Variants in PPP2R2B observed in about 807,000 individuals in gnomAD.
PPP2R2B encodes the protein serine/threonine-protein phosphatase 2A 55 kDa regulatory subunit B beta isoform.
Under a neutral mutation model 46.0 loss-of-function variants are expected in PPP2R2B, and 5 were observed. The observed-to-expected ratio is 0.11, with a 90% confidence interval of 0.06 to 0.23. The LOEUF (loss-of-function observed/expected upper bound fraction) is 0.23. Ranked by LOEUF, PPP2R2B falls within the 10% of genes least tolerant of loss-of-function variation. The pLI, the probability that PPP2R2B is intolerant of heterozygous loss-of-function variation, is 1.00. For synonymous variants in PPP2R2B, 215 were observed against 206.7 expected (o/e 1.04, Z -0.34); for missense variants, 367 against 575.0 (o/e 0.64, Z 3.70).
chr5:146,805,566 GC>G (rs1314803650), intron 2 of PPP2R2B, among the ~76,000 whole-genome samples: 1 of 152,170 alleles, frequency 6.6e-6, no homozygotes, highest in East Asian at 1.9e-4. Flanking sequence ...TCTCACCAAA[GC>G]CCTCTTTATT....
chr5:146,763,358 A>T (rs1159498766), intron 2 of PPP2R2B, among the ~76,000 whole-genome samples: 1 of 152,114 alleles, frequency 6.6e-6, no homozygotes, highest in African/African-American at 2.4e-5. Flanking sequence ...CTGGTTGAGG[A>T]TCTTCCGGTA....
intron 2 of PPP2R2B, among the ~76,000 whole-genome samples, chr5:146,860,273 C>G (rs1016869500): frequency 6.6e-6 from 1 of 152,172 alleles, no homozygotes; most frequent in Admixed American, 6.5e-5. Flanking sequence ...AGCATATTCA[C>G]TCTTTCAAGT....
At chr5:146,680,088 A>G (rs1191421976) in intron 5 of PPP2R2B, among the ~76,000 whole-genome samples, 1 of 151,712 alleles carries the variant, frequency 6.6e-6, no homozygotes, top group Admixed American at 6.6e-5. Context: ...ATAAAGACAC[A>G]TGCACACTTA....
intron 1 of PPP2R2B, among the ~76,000 whole-genome samples, chr5:146,916,973 G>A (rs967448705): frequency 6.6e-6 from 1 of 152,010 alleles, no homozygotes; most frequent in African/African-American, 2.4e-5. Context: ...ATTACCAAAG[G>A]TATTTTTGTG....
chr5:146,781,021 T>C (rs1329121034), intron 2 of PPP2R2B, among the ~76,000 whole-genome samples: 1 of 151,008 alleles, frequency 6.6e-6, no homozygotes, highest in Non-Finnish European at 1.5e-5. Flanking sequence ...ATGATGATGA[T>C]GATATTAGTT....
chr5:146,959,583 A>G (rs1399877277), intron 1 of PPP2R2B, among the ~76,000 whole-genome samples: 1 of 152,130 alleles, frequency 6.6e-6, no homozygotes, highest in Non-Finnish European at 1.5e-5. Flanking sequence ...AACTGCAGGC[A>G]GGGTTGGGGG....
At chr5:146,658,897 T>A (rs979107722) in intron 5 of PPP2R2B, among the ~76,000 whole-genome samples, 4 of 152,222 alleles carry the variant, frequency 2.6e-5, no homozygotes, top group African/African-American at 9.6e-5. Context: ...TTTGTCAGAA[T>A]TATATGTTTA....
chr5:146,874,659 C>A (rs1761795274), intron 2 of PPP2R2B, among the ~76,000 whole-genome samples: 1 of 152,094 alleles, frequency 6.6e-6, no homozygotes, highest in Non-Finnish European at 1.5e-5. Flanking sequence ...CTATCTGTGG[C>A]CCCATTTGAA....
intron 2 of PPP2R2B, among the ~76,000 whole-genome samples, chr5:146,809,217 G>A (rs1343299878): frequency 6.6e-6 from 1 of 152,062 alleles, no homozygotes; most frequent in Non-Finnish European, 1.5e-5. Flanking sequence ...TTTCTGCTTT[G>A]GAAATTAAGG....
intron 2 of PPP2R2B, among the ~76,000 whole-genome samples, chr5:146,838,581 A>G (rs558465498): frequency 1.3e-4 from 20 of 151,908 alleles, no homozygotes; most frequent in African/African-American, 3.9e-4. Flanking sequence ...AAAAAAAAAA[A>G]AAAGAAAAAA....
chr5:146,989,665 G>T (rs571146177), intron 1 of PPP2R2B, among the ~76,000 whole-genome samples: 2 of 152,020 alleles, frequency 1.3e-5, no homozygotes, highest in Non-Finnish European at 2.9e-5. Context: ...AAAGTTGAAA[G>T]GTTTTTCTCT....
At chr5:146,949,210 A>G (rs1764579426) in intron 1 of PPP2R2B, among the ~76,000 whole-genome samples, 1 of 152,078 alleles carries the variant, frequency 6.6e-6, no homozygotes, top group Non-Finnish European at 1.5e-5. Context: ...AAGTGAAGAG[A>G]CAACCAACAT....
intron 5 of PPP2R2B, among the ~76,000 whole-genome samples, chr5:146,669,608 C>T (rs1015191898): frequency 6.6e-5 from 10 of 152,048 alleles, no homozygotes; most frequent in East Asian, 1.9e-4. Context: ...CTTTATGGGG[C>T]GACTTTGGAA....
At chr5:146,675,826 C>T (rs1010952429) in intron 5 of PPP2R2B, among the ~76,000 whole-genome samples, 5 of 151,876 alleles carry the variant, frequency 3.3e-5, no homozygotes, top group Non-Finnish European at 4.4e-5. Context: ...TCACTTCTCT[C>T]TCTCTCTCTC....
chr5:146,959,928 ATTTCCC>A (rs1752094457), intron 1 of PPP2R2B, among the ~76,000 whole-genome samples: 1 of 152,172 alleles, frequency 6.6e-6, no homozygotes, highest in African/African-American at 2.4e-5. Flanking sequence ...GACAGATCAT[ATTTCCC>A]AAGCTAAGCA....
intron 7 of PPP2R2B, among the ~76,000 whole-genome samples, chr5:146,613,845 A>C (rs1217713694): frequency 7.0e-6 from 1 of 142,124 alleles, no homozygotes. Flanking sequence ...TCAAGGAAAT[A>C]AAAGAGGACA....
exon 1 of PPP2R2B, chr5:147,081,304 C>A (rs7716831): frequency 6.5e-7 from 1 of 1,535,124 alleles, no homozygotes; most frequent in South Asian, 1.2e-5. Context: ...CCTGAGAGGA[C>A]GGTCAGTCTG....
Position 146,589,816 on chromosome 5 carries a change from T to C in PPP2R2B, c.*131A>G. On this transcript the variant is annotated 3_prime_UTR_variant, in exon 10 of 10. Coordinates refer to ENST00000394411, the MANE Select transcript of PPP2R2B (RefSeq NM_181675.4). ...GGAGCTGGGAATGTTGGACTCCTTT[T>C]AATTCTATTCCAATCATTTCCTGTA... 3 of 1,026,036 alleles carry C rather than the reference T, an allele frequency of 2.9e-6. No homozygotes were observed. The highest frequency in any genetic ancestry group is 1.6e-5 in the South Asian group (1 of 62,790). 63.6% of individuals were successfully genotyped at this position (1,026,036 alleles called of 1,614,324 possible).
chr5:146,746,400 A>G (rs1753194960), intron 2 of PPP2R2B, among the ~76,000 whole-genome samples: 1 of 152,042 alleles, frequency 6.6e-6, no homozygotes, highest in Non-Finnish European at 1.5e-5. Context: ...AAAAAGTCAT[A>G]TGTAGCAATC....
Sources: gnomAD v4.1 joint callset for allele counts (sites outside exome capture counted in the v4.1 genomes callset) on GRCh38, gnomAD v4.1.1 for gene constraint, MANE v1.5 for transcripts, NCBI Gene and HGNC (gene_info 2026-07-23, HGNC 2026-07-21) for gene names.